The following CERS6 variants were observed in gnomAD, a reference collection of about 807,000 sequenced individuals.
The protein encoded by CERS6 is LAG1 homolog, ceramide synthase 6.
A neutral mutation model predicts 56.8 loss-of-function variants in CERS6; 26 were observed. The observed-to-expected ratio is 0.46, with a 90% CI of 0.34 to 0.63. The LOEUF (loss-of-function observed/expected upper bound fraction) is 0.63. Ranked by LOEUF, CERS6 falls within the 30% of genes least tolerant of loss-of-function variation. CERS6 has a pLI of 0.01. For synonymous variants in CERS6, 164 were observed against 173.3 expected (o/e 0.95, Z 0.42); for missense variants, 415 against 467.5 (o/e 0.89, Z 1.04).
chr2:168,636,969 C>G (rs1375329771), intron 4 of CERS6, among the ~76,000 whole-genome samples: 1 of 152,144 alleles, frequency 6.6e-6, no homozygotes, highest in African/African-American at 2.4e-5. Flanking sequence ...CTTAATCTCT[C>G]TTGGATTTAA....
At chr2:168,623,624 G>T (rs963248673) in intron 3 of CERS6, among the ~76,000 whole-genome samples, 2 of 152,160 alleles carry the variant, frequency 1.3e-5, no homozygotes, top group African/African-American at 4.8e-5. Flanking sequence ...TGAATATTTT[G>T]TTCCACAAAT....
intron 8 of CERS6, among the ~76,000 whole-genome samples, chr2:168,740,131 C>T (rs1192761866): frequency 6.6e-6 from 1 of 152,084 alleles, no homozygotes; most frequent in Non-Finnish European, 1.5e-5. Context: ...AGAATTGATG[C>T]ATATTTGGTG....
chr2:168,596,851 A>C (rs1683812699), intron 3 of CERS6, among the ~76,000 whole-genome samples: 1 of 152,190 alleles, frequency 6.6e-6, no homozygotes, highest in Non-Finnish European at 1.5e-5. Flanking sequence ...TTGTTGATGC[A>C]CAAAATTTGG....
At chr2:168,717,731 AT>A in intron 7 of CERS6, 140 bp from the exon 8 acceptor site, 1 of 583,086 alleles carries the variant, frequency 1.7e-6, no homozygotes, top group South Asian at 2.3e-5. Context: ...TGACATTTCA[AT>A]CGCAGGCTGA....
At chr2:168,747,767 A>G (rs1487292844) in intron 8 of CERS6, among the ~76,000 whole-genome samples, 1 of 152,110 alleles carries the variant, frequency 6.6e-6, no homozygotes, top group East Asian at 1.9e-4. Context: ...GTAAATATGC[A>G]TATACCCCCA....
chr2:168,653,433 T>G (rs1685393994), intron 4 of CERS6, among the ~76,000 whole-genome samples: 1 of 152,140 alleles, frequency 6.6e-6, no homozygotes, highest in Non-Finnish European at 1.5e-5. Flanking sequence ...CCTAGAATTC[T>G]TTTTTTCCTG....
At chr2:168,648,024 C>T (rs955104430) in intron 4 of CERS6, among the ~76,000 whole-genome samples, 5 of 152,092 alleles carry the variant, frequency 3.3e-5, no homozygotes, top group African/African-American at 1.2e-4. Flanking sequence ...TTGCTGGCCT[C>T]ATAGATTGAC....
intron 3 of CERS6, among the ~76,000 whole-genome samples, chr2:168,601,770 G>C (rs1446255390): frequency 6.6e-6 from 1 of 151,968 alleles, no homozygotes; most frequent in African/African-American, 2.4e-5. Context: ...TGTTGTTCTT[G>C]AACTCCTGAC....
chr2:168,554,683 G>C (rs1574062274), intron 2 of CERS6, among the ~76,000 whole-genome samples: 1 of 152,120 alleles, frequency 6.6e-6, no homozygotes, highest in Non-Finnish European at 1.5e-5. Context: ...AGGGAACTTT[G>C]TTACAGCAGC....
chr2:168,608,157 G>A (rs1434075297), intron 3 of CERS6, among the ~76,000 whole-genome samples: 1 of 152,240 alleles, frequency 6.6e-6, no homozygotes, highest in East Asian at 1.9e-4. Flanking sequence ...TGTGGTATTT[G>A]TGGCTAACTT....
intron 3 of CERS6, among the ~76,000 whole-genome samples, chr2:168,590,483 T>TA: frequency 6.6e-6 from 1 of 152,196 alleles, no homozygotes; most frequent in Non-Finnish European, 1.5e-5. Flanking sequence ...ATATTCCTGT[T>TA]AATGTAAGCC....
intron 1 of CERS6, among the ~76,000 whole-genome samples, chr2:168,516,818 C>T (rs1163708270): frequency 6.6e-6 from 1 of 152,142 alleles, no homozygotes; most frequent in African/African-American, 2.4e-5. Context: ...CTCTTTGTGT[C>T]ACAGCAGCCC....
rs191611341 is a variant in CERS6, at chr2:168,653,639, C to T, written c.465+22597C>T. Among the ~76,000 whole-genome samples the T allele has an allele frequency of 2.6e-5, 4 of 152,294 alleles. No homozygotes were observed. In the East Asian group the frequency reaches 7.7e-4, roughly 29 times the overall value. On this transcript the variant is annotated intron_variant, in intron 4 of 9. Coordinates refer to ENST00000305747, the MANE Select transcript of CERS6 (RefSeq NM_203463.3). ...GCTCCACGTGACTGCCTTTAAATCT[C>T]CATTTCTATTATTTGGCTCCCTTCA... is the stretch of plus-strand genomic sequence containing the variant.
chr2:168,675,525 G>A (rs1430952288), intron 4 of CERS6, among the ~76,000 whole-genome samples: 1 of 152,030 alleles, frequency 6.6e-6, no homozygotes, highest in Non-Finnish European at 1.5e-5. Context: ...GGCTGAGGCT[G>A]CAGTGAGCCA....
chr2:168,495,039 A>G (rs1410057078), intron 1 of CERS6, among the ~76,000 whole-genome samples: 1 of 152,174 alleles, frequency 6.6e-6, no homozygotes, highest in Non-Finnish European at 1.5e-5. Flanking sequence ...TGCATCTGCC[A>G]TGCAGGGTAG....
chr2:168,511,411 C>T (rs189655962), intron 1 of CERS6, among the ~76,000 whole-genome samples: 4 of 152,280 alleles, frequency 2.6e-5, no homozygotes, highest in African/African-American at 7.2e-5. Flanking sequence ...TTTGAAACTT[C>T]GAAGCCATTG....
chr2:168,715,365 C>G (rs1355899576), intron 7 of CERS6, among the ~76,000 whole-genome samples: 1 of 151,940 alleles, frequency 6.6e-6, no homozygotes, highest in Non-Finnish European at 1.5e-5. Flanking sequence ...CTTTACTGTT[C>G]TATACTTAAG....
chr2:168,538,434 AG>A (rs1370422476), intron 1 of CERS6, among the ~76,000 whole-genome samples: 1 of 152,116 alleles, frequency 6.6e-6, no homozygotes, highest in Non-Finnish European at 1.5e-5. Context: ...TGTTCCTTCC[AG>A]AATGTCCTTC....
intron 3 of CERS6, among the ~76,000 whole-genome samples, chr2:168,589,234 C>T (rs762415828): frequency 8.5e-5 from 13 of 152,106 alleles, no homozygotes; most frequent in Admixed American, 3.3e-4. Context: ...TCCTTCCTTC[C>T]TTCTCTCTTT....
Sources: gnomAD v4.1 joint callset for allele counts (sites outside exome capture counted in the v4.1 genomes callset) on GRCh38, gnomAD v4.1.1 for gene constraint, MANE v1.5 for transcripts, NCBI Gene and HGNC (gene_info 2026-07-23, HGNC 2026-07-21) for gene names.